GAB2: variants seen among roughly 807,000 people sequenced by gnomAD.
GAB2 encodes GRB2 associated binding protein 2, also known as GRB2-associated-binding protein 2.
GAB2 carries 26 observed loss-of-function variants against 65.5 expected under a neutral mutation model. That is an observed-to-expected ratio of 0.40 (90% CI 0.29 to 0.55). The LOEUF is 0.55. Among genes scored for constraint, GAB2 ranks in the 20% least tolerant of loss-of-function variants. GAB2 has a pLI of 0.53. For missense variants in GAB2, 884 were observed against 875.8 expected (o/e 1.01, Z -0.12); for synonymous variants, 321 against 329.6 (o/e 0.97, Z 0.28).
chr11:78,410,984 A>T (rs1334349118), intron 1 of GAB2, among the ~76,000 whole-genome samples: 1 of 146,818 alleles, frequency 6.8e-6, no homozygotes, highest in Non-Finnish European at 1.5e-5. Flanking sequence ...CCCTGTCTCT[A>T]CAAATAATAA....
intron 5 of GAB2, among the ~76,000 whole-genome samples, chr11:78,224,183 A>C (rs965267483): frequency 6.6e-6 from 1 of 152,154 alleles, no homozygotes; most frequent in African/African-American, 2.4e-5. Context: ...TCCACTAATA[A>C]TTTTTGATAA....
At chr11:78,366,399 G>A (rs1160910079) in intron 1 of GAB2, among the ~76,000 whole-genome samples, 2 of 151,864 alleles carry the variant, frequency 1.3e-5, no homozygotes, top group Non-Finnish European at 2.9e-5. Flanking sequence ...GGCCAACATG[G>A]CGAAATTAGA....
chr11:78,256,009 T>C (rs1865586161), intron 2 of GAB2, among the ~76,000 whole-genome samples: 1 of 152,186 alleles, frequency 6.6e-6, no homozygotes, highest in African/African-American at 2.4e-5. Flanking sequence ...TTGCTTCATC[T>C]GTAAAAAGGG....
At chr11:78,295,812 A>T (rs1374558378) in intron 1 of GAB2, among the ~76,000 whole-genome samples, 1 of 152,180 alleles carries the variant, frequency 6.6e-6, no homozygotes, top group African/African-American at 2.4e-5. Context: ...TGGAGGGAGA[A>T]CTTTCAGGAA....
At chr11:78,346,722 A>AT (rs1377368541) in intron 1 of GAB2, among the ~76,000 whole-genome samples, 66 of 30,746 alleles carry the variant, frequency 2.1e-3, no homozygotes, top group African/African-American at 4.3e-3. Context: ...TATATATATA[A>AT]TTTTTTTTTT....
At chr11:78,272,399 A>G (rs1186595442) in intron 2 of GAB2, among the ~76,000 whole-genome samples, 2 of 152,198 alleles carry the variant, frequency 1.3e-5, no homozygotes, top group South Asian at 2.1e-4. Context: ...GATGGAGATG[A>G]GGAACTTGTT....
intron 2 of GAB2, among the ~76,000 whole-genome samples, chr11:78,270,839 C>A (rs900500835): frequency 2.0e-5 from 3 of 152,196 alleles, no homozygotes; most frequent in African/African-American, 4.8e-5. Flanking sequence ...CCTGTGCAAC[C>A]TCCCAACAAC....
rs1864095733 is a variant in GAB2 at position 78,215,776 on chromosome 11, A to C, written c.*3496T>G. The C allele has an allele frequency of 6.7e-6, 1 of 148,568 alleles. No individual in the cohort carries two copies. The highest frequency in any genetic ancestry group is 2.0e-4 in the East Asian group (1 of 4,940). The allele number at this position is 148,568 out of a possible 1,614,324, so 9.2% of individuals were successfully genotyped here. A position where few individuals can be genotyped will look rare whatever the true frequency, so the allele number is the denominator to read the frequency against. ...GCTAGTCCCAGAAAGACGACCCCCCACGGAAGGGCTTTAGCGCTCCTGAGA... is the reference window on the plus strand; with the variant it reads ...GCTAGTCCCAGAAAGACGACCCCCCCCGGAAGGGCTTTAGCGCTCCTGAGA... On this transcript the variant is annotated 3_prime_UTR_variant, in exon 10 of 10. Transcript: ENST00000361507.
At chr11:78,345,744 G>C (rs73500935) in intron 1 of GAB2, among the ~76,000 whole-genome samples, 12,975 of 152,166 alleles carry the variant, frequency 0.085, 1,713 homozygotes, top group African/African-American at 0.29. Context: ...GAGGCCAGCA[G>C]CCCAGACTGA....
At chr11:78,349,903 G>A (rs1856248779) in intron 1 of GAB2, among the ~76,000 whole-genome samples, 2 of 151,042 alleles carry the variant, frequency 1.3e-5, no homozygotes, top group African/African-American at 4.9e-5. Context: ...ACAGGCGAAT[G>A]GATCACAGAT....
intron 2 of GAB2, among the ~76,000 whole-genome samples, chr11:78,276,328 C>T (rs1030377191): frequency 1.3e-5 from 2 of 151,974 alleles, no homozygotes; most frequent in Admixed American, 1.3e-4. Context: ...TCACTGCAGT[C>T]TTGAACTCCT....
chr11:78,385,407 A>G (rs776612338), intron 1 of GAB2, among the ~76,000 whole-genome samples: 1 of 152,212 alleles, frequency 6.6e-6, no homozygotes, highest in Non-Finnish European at 1.5e-5. Context: ...ATGTGACAGG[A>G]GGTTTAGATG....
At chr11:78,376,100 C>A (rs1009724137) in intron 1 of GAB2, among the ~76,000 whole-genome samples, 9 of 152,180 alleles carry the variant, frequency 5.9e-5, no homozygotes, top group South Asian at 2.1e-4. Context: ...CATATGTATA[C>A]GAACAGGACC....
chr11:78,249,843 T>C (rs1425045673), intron 3 of GAB2, among the ~76,000 whole-genome samples: 2 of 138,918 alleles, frequency 1.4e-5, no homozygotes, highest in Admixed American at 7.2e-5. Context: ...CCAAGTAAAT[T>C]GACTGTTTTT....
intron 1 of GAB2, 129 bp from the exon 2 acceptor site, chr11:78,281,030 T>C (rs991197466): frequency 9.7e-6 from 7 of 722,760 alleles, no homozygotes; most frequent in Non-Finnish European, 1.6e-5. Context: ...CAAAGCTCAC[T>C]GCAATCTTGA....
intron 1 of GAB2, among the ~76,000 whole-genome samples, chr11:78,412,732 AT>A (rs936224434): frequency 6.6e-6 from 1 of 152,198 alleles, no homozygotes; most frequent in Non-Finnish European, 1.5e-5. Flanking sequence ...GAAATGTTTA[AT>A]TTTTTTAAAA....
chr11:78,410,398 GGAGGCT>G (rs1179134190), intron 1 of GAB2, among the ~76,000 whole-genome samples: 13 of 152,348 alleles, frequency 8.5e-5, no homozygotes, highest in Non-Finnish European at 1.6e-4. Context: ...CAGCTGCTCG[GGAGGCT>G]GAGGCAGGAG....
intron 2 of GAB2, among the ~76,000 whole-genome samples, chr11:78,276,193 G>A (rs909075403): frequency 6.6e-6 from 1 of 151,776 alleles, no homozygotes; most frequent in Non-Finnish European, 1.5e-5. Flanking sequence ...CCAGCTACTC[G>A]GGAGGCTGAG....
At chr11:78,380,998 G>C (rs1316973464) in intron 1 of GAB2, among the ~76,000 whole-genome samples, 2 of 152,088 alleles carry the variant, frequency 1.3e-5, no homozygotes, top group Admixed American at 1.3e-4. Context: ...TCTCTACTTT[G>C]AAACTCTGAC....
Sources: allele counts gnomAD v4.1 joint callset (sites outside exome capture counted in the v4.1 genomes callset), GRCh38; gene constraint gnomAD v4.1.1; transcripts MANE v1.5; gene names NCBI Gene and HGNC (gene_info 2026-07-23, HGNC 2026-07-21).